Variants in LIPK observed in about 807,000 individuals in gnomAD.
LIPK encodes the protein lipase member K.
A neutral mutation model predicts 48.6 loss-of-function variants in LIPK; 32 were observed. That is an observed-to-expected ratio of 0.66 (90% CI 0.50 to 0.88). LIPK has a LOEUF of 0.88. LIPK is among the 40% of genes least tolerant of loss of function. The pLI, the probability that LIPK is intolerant of heterozygous loss-of-function variation, is 0.00. For missense variants in LIPK, 507 were observed against 478.5 expected (o/e 1.06, Z -0.56); for synonymous variants, 164 against 157.4 (o/e 1.04, Z -0.32).
chr10:88,710,524 A>G (rs1364191601), intron 1 of LIPK, among the ~76,000 whole-genome samples: 2 of 152,204 alleles, frequency 1.3e-5, no homozygotes, highest in African/African-American at 2.4e-5. Flanking sequence ...GAACCAAGCA[A>G]ACACTATTGT....
rs530826695 is a variant in LIPK at position 88,735,112 on chromosome 10, C to T, written c.670-2523C>T. Among the ~76,000 whole-genome samples, 22 of 152,320 alleles carry T rather than the reference C, an allele frequency of 1.4e-4. No homozygotes were observed. The South Asian group carries it at 3.7e-3, about 26-fold the overall frequency. ...CTTAAGTCAGACAGAACTGGGTTCACATTCTGCCCCTGCCTCCTGCCTATT... is the reference window on the plus strand; with the variant it reads ...CTTAAGTCAGACAGAACTGGGTTCATATTCTGCCCCTGCCTCCTGCCTATT... On this transcript the variant is annotated intron_variant, in intron 6 of 9. Coordinates refer to ENST00000404190, the MANE Select transcript of LIPK (RefSeq NM_001080518.2).
intron 1 of LIPK, among the ~76,000 whole-genome samples, chr10:88,723,212 T>C (rs1266231022): frequency 6.6e-6 from 1 of 152,040 alleles, no homozygotes; most frequent in African/African-American, 2.4e-5. Flanking sequence ...TAGAATTATT[T>C]TGAGAATAAA....
At chr10:88,732,129 C>T in intron 4 of LIPK, 49 bp from the exon 5 acceptor site, 2 of 1,247,358 alleles carry the variant, frequency 1.6e-6, no homozygotes, top group Non-Finnish European at 2.3e-6. Flanking sequence ...ATGTTCTAGG[C>T]CTAACAATGA....
intron 3 of LIPK, chr10:88,727,747 G>A (rs1842374113): frequency 8.6e-6 from 2 of 231,890 alleles, no homozygotes; most frequent in Non-Finnish European, 1.8e-5. Flanking sequence ...CCCAGAGTCT[G>A]CTGAGCTCCC....
intron 9 of LIPK, 64 bp downstream of exon 9, chr10:88,743,385 T>A: frequency 8.3e-7 from 1 of 1,200,590 alleles, no homozygotes; most frequent in Non-Finnish European, 1.2e-6. Context: ...TAGTGTCTAC[T>A]CATGAAGCAC....
intron 1 of LIPK, among the ~76,000 whole-genome samples, chr10:88,711,295 T>C (rs1283537088): frequency 2.0e-5 from 3 of 152,042 alleles, no homozygotes; most frequent in African/African-American, 4.8e-5. Flanking sequence ...GATGTTTTGC[T>C]ATATATATAT....
chr10:88,743,094 C>G (rs1462260269), intron 8 of LIPK, among the ~76,000 whole-genome samples, 156 bp from the exon 9 acceptor site: 1 of 152,138 alleles, frequency 6.6e-6, no homozygotes, highest in East Asian at 1.9e-4. Context: ...TAAGATTTAT[C>G]ATTTTTATTA....
intron 1 of LIPK, among the ~76,000 whole-genome samples, chr10:88,717,015 T>C (rs563951745): frequency 6.6e-6 from 1 of 152,222 alleles, no homozygotes; most frequent in East Asian, 1.9e-4. Context: ...AAGAGACCAG[T>C]GCATGTAGCT....
rs1842012457 is a variant in LIPK at position 88,710,704 on chromosome 10, T to C, written c.-12+4384T>C. Among the ~76,000 whole-genome samples, 4 of 152,296 alleles carry C rather than the reference T, an allele frequency of 2.6e-5. No homozygotes were observed. In the South Asian group the frequency reaches 8.3e-4, roughly 32 times the overall value. ...AGCATTCCATTACATAAATATAACA[T>C]GATTATGTGTCCATTCTACTACTAA... On this transcript the variant is annotated intron_variant, in intron 1 of 9. Transcript: ENST00000404190.
intron 9 of LIPK, among the ~76,000 whole-genome samples, chr10:88,744,988 A>T (rs527911407): frequency 6.6e-6 from 1 of 152,250 alleles, no homozygotes; most frequent in Non-Finnish European, 1.5e-5. Context: ...TAATATAACC[A>T]GAAGTATTAA....
intron 8 of LIPK, 38 bp from the exon 9 acceptor site, chr10:88,743,212 T>A (rs562525653): frequency 1.4e-6 from 2 of 1,419,680 alleles, no homozygotes; most frequent in African/African-American, 2.8e-5. Context: ...ATGTACACTA[T>A]TTTCTTATAT....
In LIPK at chr10:88,732,256, C is replaced by T; in HGVS notation, c.501C>T (p.Tyr167=). Residue 167 remains tyrosine, a synonymous_variant, in exon 5 of 10, where the codon TAC becomes TAT. Transcript: ENST00000404190. Reference sequence around the variant, plus strand: ...AGAAAACTGGACAGAAGCGACTCTACTACGTGGGCCACTCACAAGGCACCA... The same window carrying T: ...AGAAAACTGGACAGAAGCGACTCTATTACGTGGGCCACTCACAAGGCACCA... The part of the protein sequence containing the change: ...IIEKTGQKRL[Y]YVGHSQGTTI... The T allele has an allele frequency of 6.2e-7, 1 of 1,613,920 alleles. No individual in the cohort carries two copies. The highest frequency in any genetic ancestry group is 8.5e-7 in the Non-Finnish European group (1 of 1,179,904).
At chr10:88,739,849 C>T (rs1842644820) in intron 7 of LIPK, 147 bp from the exon 8 acceptor site, 1 of 449,432 alleles carries the variant, frequency 2.2e-6, no homozygotes, top group African/African-American at 2.1e-5. Context: ...AGCGAGACTC[C>T]AACTCAAAAA....
chr10:88,731,040 T>C lies in LIPK; in HGVS notation c.281T>C (p.Ile94Thr). ...HGLIASASNW[I>T]CNLPNNSLAF... ...TTAATTGCATCTGCCAGTAACTGGA[T>C]TTGCAACCTGCCCAACAACAGTTTG... is the stretch of plus-strand genomic sequence containing the variant. The change falls in exon 4 of 10, where the codon ATT becomes ACT. Residue 94 changes from isoleucine to threonine, a missense_variant. By Grantham distance (89) the Ile-to-Thr change is moderately conservative (BLOSUM62 -1). Transcript: ENST00000404190. The C allele has an allele frequency of 6.3e-7, 1 of 1,599,080 alleles. No individual in the cohort carries two copies. Among genetic ancestry groups the C allele is most frequent in the Non-Finnish European group, 8.5e-7 (1 of 1,172,264 alleles).
At chr10:88,749,795 A>G (rs768092923) in intron 9 of LIPK, among the ~76,000 whole-genome samples, 2 of 152,246 alleles carry the variant, frequency 1.3e-5, no homozygotes. Context: ...ACAAAAAACA[A>G]TTGACAAGTG....
chr10:88,743,507 G>A (rs529400749), intron 9 of LIPK, among the ~76,000 whole-genome samples, 186 bp downstream of exon 9: 2 of 152,270 alleles, frequency 1.3e-5, no homozygotes, highest in South Asian at 2.1e-4. Context: ...CAAGGACCTT[G>A]CAAGGTAAAT....
chr10:88,731,247 G>A (rs1842461610), intron 4 of LIPK, 66 bp downstream of exon 4: 1 of 1,290,772 alleles, frequency 7.7e-7, no homozygotes, highest in East Asian at 3.0e-5. Context: ...AACACCTAGT[G>A]ATTTTTTTCC....
rs1424314290 is a variant in LIPK at position 88,732,478 on chromosome 10, C to T, written c.596C>T (p.Ala199Val). The T allele has an allele frequency of 6.2e-7, 1 of 1,613,680 alleles. No individual in the cohort carries two copies. Among genetic ancestry groups the T allele is most frequent in the Non-Finnish European group, 8.5e-7 (1 of 1,179,722 alleles). The change falls in exon 6 of 10, where the codon GCT becomes GTT. Residue 199 changes from alanine (A) to valine (V), a missense_variant. Ala to Val is a moderately conservative substitution (Grantham distance 64). Transcript: ENST00000404190. ...AAGATTAAGATATTTTTTGCACTGG[C>T]TCCAGTTGTCACAGTTAAATACACC... Reference protein sequence around the residue: ...AKKIKIFFALAPVVTVKYTQS... With the variant: ...AKKIKIFFALVPVVTVKYTQS...
At chr10:88,742,038 G>A (rs427720) in intron 8 of LIPK, among the ~76,000 whole-genome samples, 33,327 of 152,136 alleles carry the variant, frequency 0.22, 3,831 homozygotes, top group East Asian at 0.37. Flanking sequence ...AAGCAAGCAC[G>A]TCTTACCACG....
Sources: allele counts gnomAD v4.1 joint callset (sites outside exome capture counted in the v4.1 genomes callset), GRCh38; gene constraint gnomAD v4.1.1; transcripts MANE v1.5; gene names NCBI Gene and HGNC (gene_info 2026-07-23, HGNC 2026-07-21).